The following NPSR1 variants were observed in gnomAD, a reference collection of about 807,000 sequenced individuals.
NPSR1 encodes the protein neuropeptide S receptor.
Under a neutral mutation model 46.9 loss-of-function variants are expected in NPSR1, and 48 were observed. The observed-to-expected ratio is 1.02, with a 90% CI of 0.81 to 1.30. NPSR1 has a LOEUF of 1.30. Ranked by LOEUF, NPSR1 falls within the 50% of genes most tolerant of loss-of-function variation. The pLI, the probability that NPSR1 is intolerant of heterozygous loss-of-function variation, is 0.00. For synonymous variants in NPSR1, 176 were observed against 168.1 expected (o/e 1.05, Z -0.36); for missense variants, 450 against 449.5 (o/e 1.00, Z -0.01).
At chr7:34,664,506 C>T (rs915530922) in intron 1 of NPSR1, among the ~76,000 whole-genome samples, 9 of 151,974 alleles carry the variant, frequency 5.9e-5, no homozygotes, top group Admixed American at 1.3e-4. Context: ...GAAGAAGTTT[C>T]GGAAGATGCT....
chr7:34,834,210 C>T, intron 5 of NPSR1, 174 bp from the exon 6 acceptor site: 1 of 601,414 alleles, frequency 1.7e-6, no homozygotes, highest in South Asian at 2.2e-5. Flanking sequence ...TCCAGTGGAT[C>T]CTCATGGTCA....
intron 2 of NPSR1, among the ~76,000 whole-genome samples, chr7:34,686,389 G>C (rs1792930593): frequency 6.6e-6 from 1 of 152,074 alleles, no homozygotes. Context: ...ATATATTATT[G>C]AAATTTCCTT....
At chr7:34,822,868 G>A (rs34224851) in intron 4 of NPSR1, among the ~76,000 whole-genome samples, 19,082 of 151,964 alleles carry the variant, frequency 0.13, 1,492 homozygotes, top group Non-Finnish European at 0.17. Flanking sequence ...CATATCAAAA[G>A]CAGAAGCAAG....
chr7:34,661,010 T>A (rs1791429209), intron 1 of NPSR1, among the ~76,000 whole-genome samples: 1 of 152,230 alleles, frequency 6.6e-6, no homozygotes, highest in South Asian at 2.1e-4. Context: ...GAATGCCTTA[T>A]ATTTGTTTCA....
chr7:34,754,217 G>A (rs542418847), intron 2 of NPSR1, among the ~76,000 whole-genome samples: 22 of 151,988 alleles, frequency 1.4e-4, no homozygotes, highest in Non-Finnish European at 2.1e-4. Context: ...ACTTGCTCTC[G>A]GGAAATAAAA....
intron 4 of NPSR1, among the ~76,000 whole-genome samples, chr7:34,821,954 A>G (rs551067961): frequency 2.0e-5 from 3 of 152,166 alleles, no homozygotes; most frequent in Non-Finnish European, 4.4e-5. Flanking sequence ...GAAGAAATCT[A>G]AAAACAGGGG....
rs577186339 is a variant in NPSR1, at chr7:34,823,399, G to GAAAAAAAAAAAAAAAAAAAAA, written c.479-3985_479-3984insAAAAAAAAAAAAAAAAAAAAA. Reference sequence around the variant, plus strand: ...TTGGCAACAGAGCAAGACTTCACCAGAAAAAAAAAAAAAAAAACAACACCA... The same window carrying GAAAAAAAAAAAAAAAAAAAAA: ...TTGGCAACAGAGCAAGACTTCACCAGAAAAAAAAAAAAAAAAAAAAAAAAAAAAAAAAAAAAAACAACACCA... On this transcript the variant is annotated intron_variant, in intron 4 of 8. Transcript: ENST00000360581. Among the ~76,000 whole-genome samples the GAAAAAAAAAAAAAAAAAAAAA allele has an allele frequency of 2.9e-3, 196 of 67,880 alleles. 4 individuals carry two copies. Among genetic ancestry groups the GAAAAAAAAAAAAAAAAAAAAA allele is most frequent in the East Asian group, 5.4e-3 (9 of 1,678 alleles). 44.5% of individuals were successfully genotyped at this position (67,880 alleles called of 152,430 possible).
chr7:34,665,496 G>A (rs1282813096), intron 1 of NPSR1, among the ~76,000 whole-genome samples: 1 of 152,128 alleles, frequency 6.6e-6, no homozygotes, highest in East Asian at 1.9e-4. Flanking sequence ...CTGGCCTACT[G>A]GCCTTTCACA....
chr7:34,768,558 T>C (rs920617925), intron 2 of NPSR1: 25 of 152,208 alleles, frequency 1.6e-4, no homozygotes, highest in Non-Finnish European at 3.4e-4. Flanking sequence ...TTATAACCCA[T>C]GTAAAATTTA....
At chr7:34,790,929 A>ATGTTATATATCATATATGTTATG (rs1787766915) in intron 3 of NPSR1, among the ~76,000 whole-genome samples, 1 of 115,986 alleles carries the variant, frequency 8.6e-6, no homozygotes, top group Admixed American at 9.1e-5. Flanking sequence ...TATATGTTAT[A>ATGTTATATATCATATATGTTATG]TGTTATATTA....
chr7:34,767,130 C>A (rs1786474027), intron 2 of NPSR1, among the ~76,000 whole-genome samples: 1 of 152,214 alleles, frequency 6.6e-6, no homozygotes, highest in African/African-American at 2.4e-5. Context: ...TGATATATGA[C>A]ATGCTTGTAA....
At chr7:34,662,564 A>G (rs1791510477) in intron 1 of NPSR1, among the ~76,000 whole-genome samples, 1 of 152,184 alleles carries the variant, frequency 6.6e-6, no homozygotes. Flanking sequence ...TTGCATTTAC[A>G]TCATGCATTT....
chr7:34,819,441 A>G (rs1266396223), intron 4 of NPSR1, among the ~76,000 whole-genome samples: 1 of 152,362 alleles, frequency 6.6e-6, no homozygotes, highest in African/African-American at 2.4e-5. Flanking sequence ...GATGTGGAGA[A>G]ATAGGAACAC....
chr7:34,803,735 TA>T (rs1788549569), intron 3 of NPSR1, among the ~76,000 whole-genome samples: 5 of 135,766 alleles, frequency 3.7e-5, no homozygotes, highest in Non-Finnish European at 6.4e-5. Context: ...AAATAAAATT[TA>T]AAAAAAGATA....
rs538699428 is a variant in NPSR1, at chr7:34,819,211, C to T, written c.478+7348C>T. 2.4e-4 allele frequency among the ~76,000 whole-genome samples: 36 copies of T among 151,984 alleles called. 1 individual carries two copies. Among genetic ancestry groups the T allele is most frequent in the African/African-American group, 7.5e-4 (31 of 41,452 alleles). On this transcript the variant is annotated intron_variant, in intron 4 of 8. Coordinates refer to ENST00000360581, the MANE Select transcript of NPSR1 (RefSeq NM_207172.2). ...ATCCAGAATCTACAAAGAACTCAAA[C>T]AAATTTACAAGAGAAAAAACAACCC...
chr7:34,816,045 G>T (rs1247181794), intron 4 of NPSR1, among the ~76,000 whole-genome samples: 3 of 152,134 alleles, frequency 2.0e-5, no homozygotes, highest in African/African-American at 7.2e-5. Context: ...CATAATGATA[G>T]GATCAAATTC....
intron 3 of NPSR1, among the ~76,000 whole-genome samples, chr7:34,781,320 T>C (rs2128738285): frequency 6.6e-6 from 1 of 152,222 alleles, no homozygotes; most frequent in East Asian, 1.9e-4. Context: ...TATTCATCCC[T>C]CCAAAGCATT....
rs1364387826 is a variant in NPSR1 at position 34,849,876 on chromosome 7, C to T, written c.*221C>T. On this transcript the variant is annotated 3_prime_UTR_variant, in exon 9 of 9. Transcript: ENST00000360581. ...TGCCAGCCAGGAAGGAAACGCCTTCCTTCCCCACCATTCCCAGCCCTCCTT... is the reference window on the plus strand; with the variant it reads ...TGCCAGCCAGGAAGGAAACGCCTTCTTTCCCCACCATTCCCAGCCCTCCTT... 16 of 1,314,616 alleles carry T rather than the reference C, an allele frequency of 1.2e-5. No individual in the cohort carries two copies. The highest frequency in any genetic ancestry group is 1.6e-5 in the Non-Finnish European group (16 of 1,026,650). The allele number at this position is 1,314,616 out of a possible 1,614,324, so 81.4% of individuals were successfully genotyped here. A position where few individuals can be genotyped will look rare whatever the true frequency, so the allele number is the denominator to read the frequency against.
At chr7:34,876,894 G>T (rs1430998186) in intron 8 of NPSR1, among the ~76,000 whole-genome samples, 2 of 152,204 alleles carry the variant, frequency 1.3e-5, no homozygotes, top group African/African-American at 2.4e-5. Context: ...CTCTGCTGCA[G>T]GACTCCAGCA....
Sources: allele counts gnomAD v4.1 joint callset (sites outside exome capture counted in the v4.1 genomes callset), GRCh38; gene constraint gnomAD v4.1.1; transcripts MANE v1.5; gene names NCBI Gene and HGNC (gene_info 2026-07-23, HGNC 2026-07-21).